LRPPRC: variants seen among roughly 807,000 people sequenced by gnomAD.
The protein encoded by LRPPRC is leucine rich pentatricopeptide repeat containing.
Under a neutral mutation model 180.3 loss-of-function variants are expected in LRPPRC, and 120 were observed. The ratio of observed to expected loss-of-function variants is 0.67; its 90% CI spans 0.57 to 0.77. The LOEUF (loss-of-function observed/expected upper bound fraction) is 0.77, where lower values mean the gene tolerates loss of function less well. Ranked by LOEUF, LRPPRC falls within the 30% of genes least tolerant of loss-of-function variation. LRPPRC has a pLI of 0.00. For synonymous variants in LRPPRC, 723 were observed against 600.0 expected (o/e 1.21, Z -3.00); for missense variants, 2,012 against 1,657.2 (o/e 1.21, Z -3.72).
chr2:43,937,066 G>A (rs189387770), intron 23 of LRPPRC, among the ~76,000 whole-genome samples: 19 of 152,038 alleles, frequency 1.2e-4, no homozygotes, highest in African/African-American at 4.1e-4. Context: ...GAATAGTATT[G>A]TCTCAATTGT....
chr2:43,909,355 C>T (rs929000778), intron 30 of LRPPRC, among the ~76,000 whole-genome samples: 1 of 108,046 alleles, frequency 9.3e-6, no homozygotes, highest in African/African-American at 3.7e-5. Context: ...CCAAATAACC[C>T]TGGTGGATAA....
chr2:43,928,375 G>GA (rs1166650746), intron 25 of LRPPRC, among the ~76,000 whole-genome samples: 1 of 152,110 alleles, frequency 6.6e-6, no homozygotes, highest in Non-Finnish European at 1.5e-5. Flanking sequence ...AAAAAGAAAT[G>GA]AAAGTTTTTC....
rs115850575 is a variant in LRPPRC, at chr2:43,942,083, T to C, written c.2504+1604A>G. Among the ~76,000 whole-genome samples, 1,061 of 152,190 alleles carry C rather than the reference T, an allele frequency of 7.0e-3. 9 individuals are homozygous for C. The highest frequency in any genetic ancestry group is 0.024 in the African/African-American group (995 of 41,552). The stretch of plus-strand genomic sequence containing the variant: ...TTTGAATTCCACACCGTTTCCATTT[T>C]CCCATGGGTAAGCTCTCCTTGGTTC... On this transcript the variant is annotated intron_variant, in intron 23 of 37. Transcript: ENST00000260665.
At chr2:43,920,143 A>G (rs956225266) in intron 27 of LRPPRC, among the ~76,000 whole-genome samples, 2 of 150,492 alleles carry the variant, frequency 1.3e-5, no homozygotes, top group Admixed American at 6.6e-5. Flanking sequence ...TGCAGCCTAT[A>G]TATTTTTTTT....
chr2:43,993,922 G>T (rs1339509327), intron 1 of LRPPRC, among the ~76,000 whole-genome samples: 2 of 152,132 alleles, frequency 1.3e-5, no homozygotes, highest in Non-Finnish European at 2.9e-5. Context: ...GGCCTTTACA[G>T]ATAATGAAAC....
At chr2:43,944,043 GACT>G in intron 22 of LRPPRC, 149 bp from the exon 23 acceptor site, 3 of 669,298 alleles carry the variant, frequency 4.5e-6, no homozygotes, top group Non-Finnish European at 8.1e-6. Context: ...TTCTAAACGA[GACT>G]ACAATTATAA....
intron 22 of LRPPRC, 53 bp downstream of exon 22, chr2:43,945,279 T>C: frequency 1.7e-6 from 2 of 1,155,890 alleles, no homozygotes; most frequent in South Asian, 1.2e-5. Flanking sequence ...TCACATGTTA[T>C]TCCAGTGGCA....
At chr2:43,941,266 G>C (rs565279694) in intron 23 of LRPPRC, among the ~76,000 whole-genome samples, 1 of 152,128 alleles carries the variant, frequency 6.6e-6, no homozygotes. Context: ...AACTTAAAGA[G>C]ATTATCTTTC....
intron 1 of LRPPRC, among the ~76,000 whole-genome samples, chr2:43,994,876 C>G (rs1455404850): frequency 6.6e-6 from 1 of 152,176 alleles, no homozygotes; most frequent in African/African-American, 2.4e-5. Flanking sequence ...TATCTGACAC[C>G]CACTTAGAGT....
chr2:43,923,326 A>G (rs529749453), intron 27 of LRPPRC, among the ~76,000 whole-genome samples: 2 of 152,158 alleles, frequency 1.3e-5, no homozygotes, highest in East Asian at 3.9e-4. Context: ...AAAAAGTTAA[A>G]AAGAAAAAAA....
At chr2:43,962,268 A>G (rs1241003027) in intron 12 of LRPPRC, among the ~76,000 whole-genome samples, 1 of 152,240 alleles carries the variant, frequency 6.6e-6, no homozygotes, top group Non-Finnish European at 1.5e-5. Context: ...TTACTTAAAA[A>G]ATTTTTTTTA....
At chr2:43,933,669 C>A (rs907386933) in intron 25 of LRPPRC, among the ~76,000 whole-genome samples, 1 of 152,052 alleles carries the variant, frequency 6.6e-6, no homozygotes, top group Non-Finnish European at 1.5e-5. Flanking sequence ...AGGTTTGTCA[C>A]CTACCATTTC....
rs780795374 is a variant in LRPPRC, at chr2:43,949,677, T to C, written c.1678-18A>G. The C allele has an allele frequency of 3.2e-6, 5 of 1,583,286 alleles. No homozygotes were observed. The highest frequency in any genetic ancestry group is 4.3e-6 in the Non-Finnish European group (5 of 1,152,064). ...TCTGTTATCTGGTAAGACAGAAAAT[T>C]CGTGCATTGCAGCAAGAGAAGCAAA... On this transcript the variant is annotated intron_variant, in intron 15 of 37. Coordinates refer to ENST00000260665, the MANE Select transcript of LRPPRC (RefSeq NM_133259.4).
intron 27 of LRPPRC, among the ~76,000 whole-genome samples, chr2:43,920,131 A>C (rs916684224): frequency 1.3e-5 from 2 of 149,658 alleles, no homozygotes; most frequent in African/African-American, 4.9e-5. Context: ...GGTCACACAG[A>C]TTGCAGCCTA....
chr2:43,959,700 T>C (rs1053200016), intron 13 of LRPPRC, among the ~76,000 whole-genome samples: 3 of 151,258 alleles, frequency 2.0e-5, no homozygotes, highest in South Asian at 2.1e-4. Context: ...TGGTCAGGAG[T>C]GGTGAAACTC....
chr2:43,969,111 G>A (rs1673687155), intron 11 of LRPPRC, among the ~76,000 whole-genome samples: 2 of 152,316 alleles, frequency 1.3e-5, no homozygotes, highest in African/African-American at 4.8e-5. Context: ...AGCATAACTT[G>A]AGTAAGAAAC....
At position 43,899,494 on chromosome 2, in the gene LRPPRC, C is replaced by T. The variant is rs567163465; in HGVS notation, c.3681G>A (p.Glu1227=). 1.2e-6 allele frequency: 2 copies of T among 1,613,958 alleles called. No individual in the cohort carries two copies. Among genetic ancestry groups the T allele is most frequent in the Admixed American group, 1.7e-5 (1 of 60,000 alleles). Residue 1227 remains glutamate (E), a synonymous_variant, in exon 33 of 38, where the codon GAG becomes GAA. Transcript: ENST00000260665. ...TTTCAACTGCTGGTTCCAACTGCTCCTCTATTACTTTTCTGAATAAGTATG... is the reference window on the plus strand; with the variant it reads ...TTTCAACTGCTGGTTCCAACTGCTCTTCTATTACTTTTCTGAATAAGTATG... The part of the protein sequence containing the change: ...GLAYLFRKVI[E]EQLEPAVEKI...
At chr2:43,889,038 C>T (rs999808891) in intron 37 of LRPPRC, among the ~76,000 whole-genome samples, 9 of 152,108 alleles carry the variant, frequency 5.9e-5, no homozygotes, top group East Asian at 1.9e-4. Flanking sequence ...GAAAACATGC[C>T]GGGCACAGTG....
At position 43,974,734 on chromosome 2, in the gene LRPPRC, C is replaced by T. The variant is rs774530950; in HGVS notation, c.889G>A (p.Glu297Lys). 1.7e-5 allele frequency: 27 copies of T among 1,613,476 alleles called. No individual in the cohort carries two copies. Among genetic ancestry groups the T allele is most frequent in the South Asian group, 3.3e-5 (3 of 91,056 alleles). Residue 297 changes from glutamate (E) to lysine (K), a missense_variant, in exon 8 of 38, where the codon GAG (glutamate) becomes AAG (lysine). Physicochemically the swap from Glu to Lys is moderately conservative, Grantham distance 56. Coordinates refer to ENST00000260665, the MANE Select transcript of LRPPRC (RefSeq NM_133259.4). ...KQTLEKVEKS[E>K]LHLMDRDLLQ... ...AAATCACGGTCCATAAGGTGAAGCT[C>T]GGACTTCTCCACCTTCTCCAGAGTC...
Sources: allele counts gnomAD v4.1 joint callset (sites outside exome capture counted in the v4.1 genomes callset), GRCh38; gene constraint gnomAD v4.1.1; transcripts MANE v1.5; gene names NCBI Gene and HGNC (gene_info 2026-07-23, HGNC 2026-07-21).